The following DMD variants were observed in gnomAD, a reference collection of about 807,000 sequenced individuals.
DMD encodes mutant dystrophin.
DMD carries 63 observed loss-of-function variants against 330.1 expected under a neutral mutation model. The observed-to-expected ratio is 0.19, with a 90% confidence interval of 0.16 to 0.24. DMD has a LOEUF of 0.24. Ranked by LOEUF, DMD falls within the 10% of genes least tolerant of loss-of-function variation. The pLI is 1.00. For missense variants in DMD, 3,344 were observed against 2,684.1 expected (o/e 1.25, Z -5.43); for synonymous variants, 1,223 against 959.8 (o/e 1.27, Z -5.07).
intron 43 of DMD, among the ~76,000 whole-genome samples, chrX:32,268,869 A>C (rs1288212678): frequency 9.0e-6 from 1 of 110,586 alleles, no homozygotes; most frequent in Admixed American, 9.7e-5. Context: ...GTTACAGTAG[A>C]TAGCTAGTCA....
intron 2 of DMD, among the ~76,000 whole-genome samples, chrX:32,959,679 G>A (rs1209525690): frequency 9.0e-6 from 1 of 110,959 alleles, no homozygotes; most frequent in Non-Finnish European, 1.9e-5. Flanking sequence ...AACCTACAAG[G>A]TTGTCTTGTA....
chrX:31,805,354 A>G (rs887019812), intron 50 of DMD, among the ~76,000 whole-genome samples: 1 of 112,160 alleles, frequency 8.9e-6, no homozygotes, highest in Non-Finnish European at 1.9e-5. Flanking sequence ...TGCCATTTCA[A>G]GTTTCAAAGA....
At chrX:31,185,485 A>G (rs2041674486) in intron 67 of DMD, among the ~76,000 whole-genome samples, 1 of 111,902 alleles carries the variant, frequency 8.9e-6, no homozygotes, top group Non-Finnish European at 1.9e-5. Flanking sequence ...GTCTGCTGTA[A>G]ACCCATACAG....
chrX:32,159,145 A>G (rs1433019637), intron 44 of DMD, among the ~76,000 whole-genome samples: 1 of 111,977 alleles, frequency 8.9e-6, no homozygotes, highest in East Asian at 2.8e-4. Context: ...ATGAAATCCA[A>G]CCTCACCTTT....
chrX:33,127,580 ACTT>A (rs2095472659), intron 1 of DMD, among the ~76,000 whole-genome samples: 1 of 110,818 alleles, frequency 9.0e-6, no homozygotes, highest in Non-Finnish European at 1.9e-5. Context: ...TTGATTAAAA[ACTT>A]CTTAAAAATG....
chrX:32,285,825 G>A (rs1345527885), intron 43 of DMD, among the ~76,000 whole-genome samples: 2 of 110,774 alleles, frequency 1.8e-5, no homozygotes, highest in Admixed American at 9.6e-5. Flanking sequence ...TCAGCCTCCC[G>A]AGTAGCTGGG....
chrX:33,142,544 C>G (rs376908339), intron 1 of DMD, among the ~76,000 whole-genome samples: 1 of 111,940 alleles, frequency 8.9e-6, no homozygotes, highest in Admixed American at 9.5e-5. Context: ...TTTTTAATTG[C>G]GTAATTGACT....
intron 41 of DMD, 63 bp from the exon 42 acceptor site, chrX:32,310,339 A>T (rs2097557423): frequency 1.1e-6 from 1 of 916,586 alleles, no homozygotes; most frequent in African/African-American, 2.0e-5. Flanking sequence ...CTCCTCCATT[A>T]AGTTTATATA....
At chrX:31,756,772 T>C (rs1027948292) in intron 51 of DMD, among the ~76,000 whole-genome samples, 5 of 112,562 alleles carry the variant, frequency 4.4e-5, no homozygotes, top group African/African-American at 1.6e-4. Context: ...AAGGAAGTGT[T>C]TGAAGGCAAT....
At chrX:32,785,230 CTA>C (rs2075248255) in intron 7 of DMD, among the ~76,000 whole-genome samples, 1 of 109,601 alleles carries the variant, frequency 9.1e-6, no homozygotes, top group Admixed American at 9.8e-5. Flanking sequence ...TTAGACTAGT[CTA>C]TATGTACTCT....
At chrX:31,438,480 T>G (rs1410582280) in intron 60 of DMD, among the ~76,000 whole-genome samples, 4 of 111,877 alleles carry the variant, frequency 3.6e-5, no homozygotes, top group African/African-American at 1.3e-4. Context: ...TCCAGGTGAA[T>G]TTGATGCTTG....
chrX:32,021,145 A>G (rs2095803300), intron 44 of DMD, among the ~76,000 whole-genome samples: 1 of 112,486 alleles, frequency 8.9e-6, no homozygotes, highest in South Asian at 3.6e-4. Context: ...ATGAACAAAA[A>G]CATAAAAACA....
intron 53 of DMD, among the ~76,000 whole-genome samples, chrX:31,676,656 T>G (rs2082097591): frequency 8.9e-6 from 1 of 112,170 alleles, no homozygotes; most frequent in South Asian, 3.7e-4. Context: ...GTAATTGCTA[T>G]GCATTCGCAT....
chrX:33,195,345 C>A (rs2050863424), intron 1 of DMD, among the ~76,000 whole-genome samples: 1 of 111,498 alleles, frequency 9.0e-6, no homozygotes, highest in Non-Finnish European at 1.9e-5. Context: ...CCTCAGACAC[C>A]CACTGGACTT....
chrX:32,474,997 T>C (rs1057505234), intron 21 of DMD, among the ~76,000 whole-genome samples: 4 of 111,466 alleles, frequency 3.6e-5, no homozygotes, highest in African/African-American at 1.3e-4. Context: ...AGGTCTTAGG[T>C]TTAAGTCTTT....
chrX:32,909,791 C>T (rs1387386007), intron 2 of DMD, among the ~76,000 whole-genome samples: 2 of 111,976 alleles, frequency 1.8e-5, no homozygotes, highest in East Asian at 5.6e-4. Context: ...AAGTGGGAAA[C>T]GAAATTAATG....
intron 2 of DMD, among the ~76,000 whole-genome samples, chrX:33,004,769 C>A (rs762470104): frequency 9.1e-6 from 1 of 109,998 alleles, no homozygotes; most frequent in East Asian, 2.8e-4. Flanking sequence ...GAACAAGGAG[C>A]ATCTTTCTCC....
chrX:32,859,461 T>TCACACACACA (rs35537635), intron 2 of DMD, among the ~76,000 whole-genome samples: 132 of 86,044 alleles, frequency 1.5e-3, no homozygotes, highest in Non-Finnish European at 2.5e-3. Flanking sequence ...AAGCAAGATC[T>TCACACACACA]CACACACACA....
At position 32,177,593 on chromosome X, in the gene DMD, G is replaced by A. The variant is rs1208783330; in HGVS notation, c.6438+39323C>T. Among the ~76,000 whole-genome samples, 5 of 109,859 alleles carry A rather than the reference G, an allele frequency of 4.6e-5. No homozygotes were observed. The East Asian group carries it at 1.1e-3, about 25-fold the overall frequency. ...AGATACTAATTCAAATTTCTAACTC[G>A]GACACCAGTGGTTCCCCTTTCTCTC... On this transcript the variant is annotated intron_variant, in intron 44 of 78. Transcript: ENST00000357033.
Sources: allele counts gnomAD v4.1 joint callset (sites outside exome capture counted in the v4.1 genomes callset), GRCh38; gene constraint gnomAD v4.1.1; transcripts MANE v1.5; gene names NCBI Gene and HGNC (gene_info 2026-07-23, HGNC 2026-07-21).